Variants in NPSR1 observed in about 807,000 individuals in gnomAD.
NPSR1 encodes the protein neuropeptide S receptor 1.
In NPSR1, 48 loss-of-function variants were observed where a neutral mutation model predicts 46.9. That is an observed-to-expected ratio of 1.02 (90% CI 0.81 to 1.30). The LOEUF (loss-of-function observed/expected upper bound fraction) is 1.30, where lower values mean the gene tolerates loss of function less well. NPSR1 is among the 50% of genes most tolerant of loss of function. NPSR1 has a pLI of 0.00. For missense variants in NPSR1, 450 were observed against 449.5 expected (o/e 1.00, Z -0.01); for synonymous variants, 176 against 168.1 (o/e 1.05, Z -0.36).
intron 2 of NPSR1, among the ~76,000 whole-genome samples, chr7:34,687,971 A>G (rs1400592556): frequency 6.6e-6 from 1 of 152,230 alleles, no homozygotes; most frequent in Non-Finnish European, 1.5e-5. Flanking sequence ...AAACCTGAGT[A>G]GAGCTTTGGG....
intron 6 of NPSR1, among the ~76,000 whole-genome samples, chr7:34,840,210 G>A (rs1790514782): frequency 6.6e-6 from 1 of 152,140 alleles, no homozygotes; most frequent in Admixed American, 6.5e-5. Flanking sequence ...CAGCTAATGG[G>A]GAGAGAGGGA....
At chr7:34,735,393 G>A (rs1265408295) in intron 2 of NPSR1, among the ~76,000 whole-genome samples, 1 of 152,082 alleles carries the variant, frequency 6.6e-6, no homozygotes, top group Admixed American at 6.5e-5. Flanking sequence ...GCCATTCTTG[G>A]CAGGGCCATC....
At chr7:34,778,325 C>A in intron 2 of NPSR1, 137 bp from the exon 3 acceptor site, 1 of 529,726 alleles carries the variant, frequency 1.9e-6, no homozygotes, top group South Asian at 2.7e-5. Flanking sequence ...TCCTCAGTGG[C>A]CATCTGATAA....
intron 2 of NPSR1, among the ~76,000 whole-genome samples, chr7:34,702,117 C>A (rs908728557): frequency 6.6e-6 from 1 of 152,186 alleles, no homozygotes; most frequent in Non-Finnish European, 1.5e-5. Flanking sequence ...AGGACTGTCA[C>A]CCTCAAGTTC....
intron 6 of NPSR1, among the ~76,000 whole-genome samples, chr7:34,843,334 A>G (rs1790637863): frequency 6.6e-6 from 1 of 152,242 alleles, no homozygotes; most frequent in African/African-American, 2.4e-5. Context: ...GCGAGCACAC[A>G]AGACAGAGAG....
chr7:34,665,416 C>T (rs376106038), intron 1 of NPSR1, among the ~76,000 whole-genome samples: 3 of 152,170 alleles, frequency 2.0e-5, no homozygotes, highest in Admixed American at 6.5e-5. Context: ...CCCCCAGGGT[C>T]GAGGGTATAA....
intron 1 of NPSR1, among the ~76,000 whole-genome samples, chr7:34,680,623 T>G (rs1330816505): frequency 6.6e-6 from 1 of 152,094 alleles, no homozygotes; most frequent in African/African-American, 2.4e-5. Flanking sequence ...CAACTGTCTA[T>G]CAAATACATG....
At chr7:34,848,341 C>A in intron 7 of NPSR1, 142 bp from the exon 8 acceptor site, 1 of 705,770 alleles carries the variant, frequency 1.4e-6, no homozygotes, top group Non-Finnish European at 2.5e-6. Flanking sequence ...GACATCAATG[C>A]TCCAAACAAC....
downstream of NPSR1, among the ~76,000 whole-genome samples, chr7:34,850,133 C>T (rs1562772725): frequency 6.6e-6 from 1 of 152,234 alleles, no homozygotes. Context: ...CCTTGAAATG[C>T]CAACAAATTC....
chr7:34,825,071 C>T (rs1318033155), intron 4 of NPSR1, among the ~76,000 whole-genome samples: 9 of 152,178 alleles, frequency 5.9e-5, no homozygotes, highest in Non-Finnish European at 1.3e-4. Flanking sequence ...TCCCTTAAGA[C>T]ATCTCAAGAG....
At chr7:34,748,879 C>T (rs1478915579) in intron 2 of NPSR1, among the ~76,000 whole-genome samples, 7 of 152,070 alleles carry the variant, frequency 4.6e-5, no homozygotes, top group South Asian at 2.1e-4. Context: ...TCATCTTCCC[C>T]CCAGTACCTG....
chr7:34,716,221 T>C (rs1426656379), intron 2 of NPSR1, among the ~76,000 whole-genome samples: 1 of 152,114 alleles, frequency 6.6e-6, no homozygotes, highest in African/African-American at 2.4e-5. Flanking sequence ...GACCGTGAGA[T>C]GACTATAACA....
chr7:34,715,558 G>A (rs2128704593), intron 2 of NPSR1, among the ~76,000 whole-genome samples: 1 of 152,316 alleles, frequency 6.6e-6, no homozygotes, highest in Non-Finnish European at 1.5e-5. Context: ...AATGTGAGTT[G>A]AAGGGACTAT....
chr7:34,723,883 C>T (rs1043493586), intron 2 of NPSR1, among the ~76,000 whole-genome samples: 2 of 152,076 alleles, frequency 1.3e-5, no homozygotes, highest in African/African-American at 2.4e-5. Context: ...TGTTTGTTAC[C>T]ATCTGTCAGG....
intron 2 of NPSR1, among the ~76,000 whole-genome samples, chr7:34,702,582 T>C (rs1471751182): frequency 1.3e-5 from 2 of 152,204 alleles, no homozygotes; most frequent in Admixed American, 1.3e-4. Flanking sequence ...AATGACTTAT[T>C]ATCTTGGCAG....
At chr7:34,855,911 T>C (rs534059871) in intron 8 of NPSR1, among the ~76,000 whole-genome samples, 1 of 152,276 alleles carries the variant, frequency 6.6e-6, no homozygotes, top group East Asian at 1.9e-4. Flanking sequence ...TAAAACAATA[T>C]ATAAACTCAA....
In NPSR1 at chr7:34,751,437, G is replaced by A. The variant is rs1785520708; in HGVS notation, c.281-27025G>A. ...GAACAAAGGCAGCCAGTGTCTGTTT[G>A]CCATCCAACAGTTCCATCTTGCAGA... On this transcript the variant is annotated intron_variant, in intron 2 of 8. Coordinates refer to ENST00000360581, the MANE Select transcript of NPSR1 (RefSeq NM_207172.2). The A allele has an allele frequency of 1.5e-5, 16 of 1,083,158 alleles. No homozygotes were observed. The South Asian group carries it at 2.0e-4, about 14-fold the overall frequency. 67.1% of individuals were successfully genotyped at this position (1,083,158 alleles called of 1,614,324 possible).
At chr7:34,750,436 T>C in intron 2 of NPSR1, 1 of 743,898 alleles carries the variant, frequency 1.3e-6, no homozygotes, top group Admixed American at 1.7e-5. Context: ...GACGGGGCTC[T>C]GGTGTGACGA....
chr7:34,762,023 A>C (rs1562709497), intron 2 of NPSR1, among the ~76,000 whole-genome samples: 1 of 152,116 alleles, frequency 6.6e-6, no homozygotes, highest in Non-Finnish European at 1.5e-5. Flanking sequence ...TCATTTAATG[A>C]GCTTCTTGGT....
Sources: allele counts gnomAD v4.1 joint callset (sites outside exome capture counted in the v4.1 genomes callset), GRCh38; gene constraint gnomAD v4.1.1; transcripts MANE v1.5; gene names NCBI Gene and HGNC (gene_info 2026-07-23, HGNC 2026-07-21).